Variants in NKAIN3 observed in about 807,000 individuals in gnomAD.
The protein encoded by NKAIN3 is sodium/potassium transporting ATPase interacting 3.
In NKAIN3, 25 loss-of-function variants were observed where a neutral mutation model predicts 30.2. The ratio of observed to expected loss-of-function variants is 0.83; its 90% CI spans 0.60 to 1.16. NKAIN3 has a LOEUF of 1.16. NKAIN3 is among the 50% of genes most tolerant of loss of function. NKAIN3 has a pLI of 0.00. For missense variants in NKAIN3, 225 were observed against 254.1 expected (o/e 0.89, Z 0.78); for synonymous variants, 91 against 89.6 (o/e 1.02, Z -0.09).
At chr8:62,935,981 G>A (rs1822773971) in intron 5 of NKAIN3, among the ~76,000 whole-genome samples, 1 of 152,092 alleles carries the variant, frequency 6.6e-6, no homozygotes, top group Admixed American at 6.5e-5. Context: ...ATTCTATATG[G>A]CTATCCAGTG....
intron 4 of NKAIN3, among the ~76,000 whole-genome samples, chr8:62,864,850 G>A (rs1227296446): frequency 2.6e-5 from 4 of 152,174 alleles, no homozygotes; most frequent in African/African-American, 9.7e-5. Context: ...CTTCACGGAA[G>A]ACATCCAGAT....
intron 1 of NKAIN3, among the ~76,000 whole-genome samples, chr8:62,373,179 C>A (rs1303915587): frequency 6.6e-6 from 1 of 152,060 alleles, no homozygotes; most frequent in Admixed American, 6.6e-5. Flanking sequence ...AATATTATCC[C>A]TTTTTGGTTC....
intron 1 of NKAIN3, among the ~76,000 whole-genome samples, chr8:62,276,268 A>G (rs1585623183): frequency 6.6e-6 from 1 of 152,004 alleles, no homozygotes; most frequent in East Asian, 1.9e-4. Context: ...ATTTCACCAT[A>G]TTGGCTAGGC....
chr8:62,486,109 C>G (rs1196604689), intron 1 of NKAIN3, among the ~76,000 whole-genome samples: 1 of 151,832 alleles, frequency 6.6e-6, no homozygotes, highest in African/African-American at 2.4e-5. Flanking sequence ...TCAAGACCAC[C>G]AAAACAAAAA....
At chr8:62,659,584 C>A (rs1812876062) in intron 3 of NKAIN3, among the ~76,000 whole-genome samples, 1 of 152,158 alleles carries the variant, frequency 6.6e-6, no homozygotes, top group Non-Finnish European at 1.5e-5. Flanking sequence ...GTCTGTTGCA[C>A]TGGATGGAGA....
At chr8:62,335,943 T>G (rs1323490932) in intron 1 of NKAIN3, among the ~76,000 whole-genome samples, 1 of 152,064 alleles carries the variant, frequency 6.6e-6, no homozygotes, top group African/African-American at 2.4e-5. Flanking sequence ...TTCTTTCTAG[T>G]TGAAAGGGTT....
chr8:62,496,405 T>A (rs191011900), intron 1 of NKAIN3, among the ~76,000 whole-genome samples: 6 of 152,242 alleles, frequency 3.9e-5, no homozygotes, highest in Admixed American at 1.3e-4. Flanking sequence ...TTAAAAGTGC[T>A]GGGTATCCAG....
At chr8:62,811,039 C>A (rs1296699076) in intron 4 of NKAIN3, among the ~76,000 whole-genome samples, 1 of 152,046 alleles carries the variant, frequency 6.6e-6, no homozygotes, top group Non-Finnish European at 1.5e-5. Context: ...ATAACTATAT[C>A]CCCTTCCTCC....
intron 3 of NKAIN3, among the ~76,000 whole-genome samples, chr8:62,627,725 A>G (rs532451650): frequency 2.0e-5 from 3 of 152,238 alleles, no homozygotes; most frequent in South Asian, 4.2e-4. Context: ...GGTAAAATAG[A>G]GGACAAGAAA....
At chr8:62,816,987 G>A (rs191303746) in intron 4 of NKAIN3, among the ~76,000 whole-genome samples, 3 of 152,146 alleles carry the variant, frequency 2.0e-5, no homozygotes, top group African/African-American at 7.2e-5. Context: ...AGACTTCTGG[G>A]GATCTCCTGA....
chr8:62,253,994 G>A (rs1334635391), intron 1 of NKAIN3, among the ~76,000 whole-genome samples: 6 of 152,050 alleles, frequency 3.9e-5, no homozygotes, highest in Admixed American at 1.3e-4. Context: ...TTCATGCTAT[G>A]AAACTTAAAG....
At chr8:62,727,354 G>A (rs966014533) in intron 3 of NKAIN3, among the ~76,000 whole-genome samples, 4 of 152,068 alleles carry the variant, frequency 2.6e-5, no homozygotes, top group African/African-American at 4.8e-5. Context: ...CACTAAGGCA[G>A]TAAGACAACA....
At chr8:62,498,737 C>T (rs1807320772) in intron 1 of NKAIN3, among the ~76,000 whole-genome samples, 1 of 150,924 alleles carries the variant, frequency 6.6e-6, no homozygotes, top group Non-Finnish European at 1.5e-5. Context: ...TCCATTCAGC[C>T]TGTATTGCTA....
intron 1 of NKAIN3, among the ~76,000 whole-genome samples, chr8:62,577,753 T>A (rs1303368777): frequency 2.0e-5 from 3 of 151,682 alleles, no homozygotes; most frequent in Non-Finnish European, 4.4e-5. Context: ...ATATTTTGCG[T>A]TTTAGCCATG....
At chr8:62,282,968 C>T (rs1375936947) in intron 1 of NKAIN3, among the ~76,000 whole-genome samples, 1 of 152,154 alleles carries the variant, frequency 6.6e-6, no homozygotes, top group African/African-American at 2.4e-5. Context: ...ATCTTGTCAT[C>T]GGTTCATGGT....
chr8:62,691,430 T>G (rs1233468102), intron 3 of NKAIN3, among the ~76,000 whole-genome samples: 3 of 152,250 alleles, frequency 2.0e-5, no homozygotes, highest in Non-Finnish European at 4.4e-5. Flanking sequence ...GGCTGCCATC[T>G]GGGTGGACTT....
chr8:62,662,080 C>A (rs546816803), intron 3 of NKAIN3, among the ~76,000 whole-genome samples: 1 of 152,228 alleles, frequency 6.6e-6, no homozygotes, highest in African/African-American at 2.4e-5. Context: ...CCAAAAGGAG[C>A]CCCCTGAAAG....
chr8:62,929,801 C>T (rs1822563625), intron 5 of NKAIN3, among the ~76,000 whole-genome samples: 2 of 152,092 alleles, frequency 1.3e-5, no homozygotes, highest in South Asian at 4.1e-4. Context: ...TTAAATGTGG[C>T]CCAACACAAA....
intron 1 of NKAIN3, among the ~76,000 whole-genome samples, chr8:62,570,576 A>G (rs1809903826): frequency 6.6e-6 from 1 of 152,120 alleles, no homozygotes; most frequent in African/African-American, 2.4e-5. Context: ...ACTATCAGAT[A>G]TCGTGAGGCT....
Sources: allele counts gnomAD v4.1 joint callset (sites outside exome capture counted in the v4.1 genomes callset), GRCh38; gene constraint gnomAD v4.1.1; transcripts MANE v1.5; gene names NCBI Gene and HGNC (gene_info 2026-07-23, HGNC 2026-07-21).